Variants in LRP1B observed in about 807,000 individuals in gnomAD.
LRP1B encodes low-density lipoprotein receptor-related protein 1B.
A neutral mutation model predicts 556.6 loss-of-function variants in LRP1B; 217 were observed. That is an observed-to-expected ratio of 0.39 (90% confidence interval 0.35 to 0.44). LRP1B has a LOEUF of 0.44. LRP1B is among the 20% of genes least tolerant of loss of function. The pLI, the probability that LRP1B is intolerant of heterozygous loss-of-function variation, is 1.00. For missense variants in LRP1B, 5,053 were observed against 5,620.8 expected, an observed-to-expected ratio of 0.90 and a Z score of 3.23; for synonymous variants, 2,047 against 1,865.8, an observed-to-expected ratio of 1.10 and a Z score of -2.50.
intron 5 of LRP1B, among the ~76,000 whole-genome samples, chr2:141,245,724 TACTC>T (rs1185837593): frequency 1.3e-5 from 2 of 152,230 alleles, no homozygotes; most frequent in African/African-American, 4.8e-5. Flanking sequence ...ATTGTTTTCT[TACTC>T]AGTAGGCTGA....
chr2:141,054,597 T>C (rs1159011723), intron 10 of LRP1B, among the ~76,000 whole-genome samples: 8 of 152,032 alleles, frequency 5.3e-5, no homozygotes, highest in Admixed American at 3.9e-4. Context: ...AACTTTTTGA[T>C]AAAATCATTA....
intron 3 of LRP1B, among the ~76,000 whole-genome samples, chr2:141,378,355 A>T (rs77195896): frequency 0.092 from 14,078 of 152,244 alleles, 1,152 homozygotes; most frequent in African/African-American, 0.22. Context: ...GAGTAAAACT[A>T]CAGGAAAACT....
intron 60 of LRP1B, among the ~76,000 whole-genome samples, chr2:140,465,689 T>C (rs1687514884): frequency 1.3e-5 from 2 of 151,334 alleles, no homozygotes; most frequent in African/African-American, 4.9e-5. Context: ...ATGTCCCTAT[T>C]TTTACAAGCA....
At chr2:141,745,051 TTGTC>T (rs1387051513) in intron 2 of LRP1B, among the ~76,000 whole-genome samples, 9 of 152,178 alleles carry the variant, frequency 5.9e-5, no homozygotes, top group Admixed American at 3.9e-4. Flanking sequence ...TGGAGCCTCT[TTGTC>T]TGTGCTAAGC....
chr2:141,703,394 A>G (rs1180835023), intron 2 of LRP1B, among the ~76,000 whole-genome samples: 2 of 151,932 alleles, frequency 1.3e-5, no homozygotes, highest in African/African-American at 4.8e-5. Flanking sequence ...TCTATGGCTC[A>G]TGTTAGCCTG....
At chr2:140,572,074 A>T (rs1340390918) in intron 43 of LRP1B, among the ~76,000 whole-genome samples, 1 of 151,774 alleles carries the variant, frequency 6.6e-6, no homozygotes, top group African/African-American at 2.4e-5. Context: ...TTAAGATATT[A>T]TAGGTCTTGA....
chr2:141,997,260 T>A (rs1302659892), intron 1 of LRP1B, among the ~76,000 whole-genome samples: 1 of 152,046 alleles, frequency 6.6e-6, no homozygotes. Context: ...GATATTTGTG[T>A]TACGTTTCAA....
At chr2:142,011,085 C>A (rs570402411) in intron 1 of LRP1B, among the ~76,000 whole-genome samples, 1 of 152,244 alleles carries the variant, frequency 6.6e-6, no homozygotes, top group Admixed American at 6.5e-5. Flanking sequence ...ATTTTGCAGA[C>A]TTGTTATATT....
At chr2:140,293,967 A>G (rs1573746347) in intron 84 of LRP1B, among the ~76,000 whole-genome samples, 1 of 152,342 alleles carries the variant, frequency 6.6e-6, no homozygotes, top group East Asian at 1.9e-4. Context: ...TAATAGTGAT[A>G]ATAAAATTAT....
At chr2:141,797,159 A>ATC (rs1488894191) in intron 2 of LRP1B, among the ~76,000 whole-genome samples, 1 of 79,958 alleles carries the variant, frequency 1.3e-5, no homozygotes, top group Non-Finnish European at 2.9e-5. Context: ...ATATATATAT[A>ATC]TATATATATA....
intron 11 of LRP1B, among the ~76,000 whole-genome samples, chr2:141,048,760 G>T (rs923901493): frequency 2.0e-5 from 3 of 152,024 alleles, no homozygotes; most frequent in Non-Finnish European, 4.4e-5. Flanking sequence ...ATAATATTTA[G>T]AATATAGTAG....
chr2:141,444,689 T>C (rs1301758214), intron 3 of LRP1B, among the ~76,000 whole-genome samples: 2 of 152,200 alleles, frequency 1.3e-5, no homozygotes, highest in Non-Finnish European at 2.9e-5. Flanking sequence ...GATAATCATG[T>C]AGTTTTTGTC....
At chr2:140,946,751 C>A (rs1407933067) in intron 20 of LRP1B, among the ~76,000 whole-genome samples, 1 of 152,170 alleles carries the variant, frequency 6.6e-6, no homozygotes, top group African/African-American at 2.4e-5. Context: ...GCACTACTCA[C>A]AGTGGCAGAC....
intron 84 of LRP1B, among the ~76,000 whole-genome samples, chr2:140,290,124 A>T (rs1174167461): frequency 1.3e-5 from 2 of 152,104 alleles, no homozygotes; most frequent in Non-Finnish European, 2.9e-5. Flanking sequence ...TGGCCTGTTT[A>T]ATATTCTAGT....
At chr2:142,103,254 T>C (rs1706627980) in intron 1 of LRP1B, among the ~76,000 whole-genome samples, 1 of 152,018 alleles carries the variant, frequency 6.6e-6, no homozygotes, top group Non-Finnish European at 1.5e-5. Flanking sequence ...GATTAATTTG[T>C]GTAAATTAAT....
At chr2:141,033,321 G>A (rs1323350001) in intron 11 of LRP1B, among the ~76,000 whole-genome samples, 1 of 151,956 alleles carries the variant, frequency 6.6e-6, no homozygotes, top group Non-Finnish European at 1.5e-5. Flanking sequence ...AGGACGTGGT[G>A]AGCGCTAAGA....
intron 1 of LRP1B, among the ~76,000 whole-genome samples, chr2:141,966,836 T>C (rs1175297085): frequency 6.6e-6 from 1 of 151,918 alleles, no homozygotes; most frequent in Non-Finnish European, 1.5e-5. Flanking sequence ...GCTCGCTGGA[T>C]ACATTCAATT....
intron 1 of LRP1B, among the ~76,000 whole-genome samples, chr2:142,129,582 CTT>C (rs1491221372): frequency 2.9e-4 from 30 of 103,888 alleles, no homozygotes; most frequent in African/African-American, 9.0e-4. Context: ...TTCTTTCTCT[CTT>C]TCTCTCTCTC....
intron 82 of LRP1B, among the ~76,000 whole-genome samples, chr2:140,317,027 C>T (rs750557085): frequency 3.3e-5 from 5 of 152,054 alleles, no homozygotes; most frequent in Admixed American, 2.6e-4. Flanking sequence ...CGGCGGAATA[C>T]CATCTAGGCA....
Sources: allele counts gnomAD v4.1 joint callset (sites outside exome capture counted in the v4.1 genomes callset), GRCh38; gene constraint gnomAD v4.1.1; transcripts MANE v1.5; gene names NCBI Gene and HGNC (gene_info 2026-07-23, HGNC 2026-07-21).